SNTG1: variants seen among roughly 807,000 people sequenced by gnomAD.
SNTG1 encodes syntrophin gamma 1.
SNTG1 carries 39 observed loss-of-function variants against 74.7 expected under a neutral mutation model. The observed-to-expected ratio is 0.52, with a 90% CI of 0.40 to 0.68. The LOEUF (loss-of-function observed/expected upper bound fraction) is 0.68, where lower values mean the gene tolerates loss of function less well. SNTG1 is among the 30% of genes least tolerant of loss of function. The probability of loss-of-function intolerance (pLI) is 0.00; values close to 1 mark genes in which losing one functional copy is unlikely to be tolerated. For missense variants in SNTG1, 685 were observed against 609.5 expected (o/e 1.12, Z -1.30); for synonymous variants, 254 against 217.1 (o/e 1.17, Z -1.49).
chr8:49,916,768 T>A (rs1034020111), intron 1 of SNTG1, among the ~76,000 whole-genome samples: 2 of 151,728 alleles, frequency 1.3e-5, no homozygotes, highest in Admixed American at 1.3e-4. Flanking sequence ...CACTTTGGGA[T>A]ACCGAGGCAA....
intron 15 of SNTG1, among the ~76,000 whole-genome samples, chr8:50,668,644 TC>T (rs1046985273): frequency 1.2e-3 from 184 of 151,806 alleles, no homozygotes; most frequent in African/African-American, 4.1e-3. Context: ...CTAAGGTACC[TC>T]CCCTGACCCT....
intron 9 of SNTG1, among the ~76,000 whole-genome samples, chr8:50,513,508 C>G (rs758057706): frequency 9.9e-5 from 15 of 152,232 alleles, no homozygotes; most frequent in Non-Finnish European, 1.9e-4. Flanking sequence ...TGCCCTGCCC[C>G]CAGTGGCGGA....
intron 1 of SNTG1, among the ~76,000 whole-genome samples, chr8:50,049,135 G>A (rs577056961): frequency 1.3e-5 from 2 of 152,106 alleles, no homozygotes; most frequent in African/African-American, 4.8e-5. Context: ...GAATTGTAAA[G>A]ATTAGCAAAT....
chr8:50,660,344 GAA>G (rs761298023), intron 15 of SNTG1, among the ~76,000 whole-genome samples: 9 of 120,008 alleles, frequency 7.5e-5, no homozygotes, highest in African/African-American at 1.4e-4. Context: ...GAAAGAAAGA[GAA>G]AGAAAGAAAG....
At chr8:50,003,562 A>T (rs565819784) in intron 1 of SNTG1, among the ~76,000 whole-genome samples, 5 of 152,120 alleles carry the variant, frequency 3.3e-5, no homozygotes, top group Non-Finnish European at 7.4e-5. Context: ...GTAATTATGG[A>T]ATTTTTTGTC....
intron 12 of SNTG1, among the ~76,000 whole-genome samples, chr8:50,576,692 A>G (rs1471829548): frequency 2.0e-5 from 3 of 151,990 alleles, no homozygotes; most frequent in Non-Finnish European, 4.4e-5. Context: ...TTAATTCCTA[A>G]GTATTTTATT....
intron 1 of SNTG1, among the ~76,000 whole-genome samples, chr8:50,162,395 T>C (rs2082449208): frequency 6.6e-6 from 1 of 151,568 alleles, no homozygotes; most frequent in Non-Finnish European, 1.5e-5. Flanking sequence ...ACCCCGTCTC[T>C]ACTAAAAATA....
intron 1 of SNTG1, among the ~76,000 whole-genome samples, chr8:50,129,480 T>C (rs532362894): frequency 1.3e-4 from 20 of 152,234 alleles, no homozygotes; most frequent in Admixed American, 3.9e-4. Context: ...CTACAAAAGT[T>C]GAAAACTTGA....
chr8:50,010,953 G>T (rs1187650002), intron 1 of SNTG1, among the ~76,000 whole-genome samples: 1 of 151,936 alleles, frequency 6.6e-6, no homozygotes, highest in African/African-American at 2.4e-5. Flanking sequence ...TAATGGTAGT[G>T]AAATAATTTC....
chr8:50,430,853 T>C (rs559030718), intron 4 of SNTG1, among the ~76,000 whole-genome samples: 1 of 152,314 alleles, frequency 6.6e-6, no homozygotes, highest in East Asian at 1.9e-4. Context: ...AATACATTCA[T>C]GGGACTGGGA....
intron 1 of SNTG1, among the ~76,000 whole-genome samples, chr8:50,002,950 A>G (rs1814882751): frequency 6.6e-6 from 1 of 152,328 alleles, no homozygotes; most frequent in South Asian, 2.1e-4. Context: ...GCTACAACAT[A>G]GAAATGAACT....
At chr8:50,018,573 T>C (rs542377541) in intron 1 of SNTG1, among the ~76,000 whole-genome samples, 1 of 152,112 alleles carries the variant, frequency 6.6e-6, no homozygotes, top group African/African-American at 2.4e-5. Context: ...GACTATGTGT[T>C]AGGCAATGTT....
intron 1 of SNTG1, among the ~76,000 whole-genome samples, chr8:50,035,869 C>T (rs746198097): frequency 9.9e-5 from 15 of 152,104 alleles, no homozygotes; most frequent in African/African-American, 2.7e-4. Context: ...GTTAAGCTCT[C>T]GGACAGATGT....
rs550050705 is a variant in SNTG1 at position 50,120,636 on chromosome 8, G to C, written c.-102-51925G>C. Among the ~76,000 whole-genome samples the C allele has an allele frequency of 1.4e-5, 2 of 141,230 alleles. 1 individual carries two copies. The highest frequency in any genetic ancestry group is 5.1e-5 in the African/African-American group (2 of 39,102). 92.7% of individuals were successfully genotyped at this position (141,230 alleles called of 152,430 possible). The stretch of plus-strand genomic sequence containing the variant: ...CCATCTTTATACTACCATCACCTCT[G>C]TCACTACCAACCTCACCACCACTAT... On this transcript the variant is annotated intron_variant, in intron 1 of 18. Transcript: ENST00000642720.
At chr8:50,402,798 T>G (rs981903113) in intron 4 of SNTG1, among the ~76,000 whole-genome samples, 1 of 152,140 alleles carries the variant, frequency 6.6e-6, no homozygotes, top group African/African-American at 2.4e-5. Flanking sequence ...GGTGTTCCCC[T>G]AGGATAGTGT....
chr8:50,426,248 G>A (rs79518906), intron 4 of SNTG1, among the ~76,000 whole-genome samples: 9 of 152,180 alleles, frequency 5.9e-5, no homozygotes, highest in Non-Finnish European at 1.2e-4. Context: ...GGCACCTCTT[G>A]TCTGTGACAC....
At chr8:50,320,835 T>G (rs2090500926) in intron 2 of SNTG1, among the ~76,000 whole-genome samples, 1 of 152,128 alleles carries the variant, frequency 6.6e-6, no homozygotes, top group Non-Finnish European at 1.5e-5. Flanking sequence ...AAATTCTACT[T>G]GTTACTTATT....
rs557547158 is a variant in SNTG1 at position 50,361,715 on chromosome 8, C to G, written c.-27-32497C>G. On this transcript the variant is annotated intron_variant, in intron 2 of 18. Coordinates refer to ENST00000642720, the MANE Select transcript of SNTG1 (RefSeq NM_018967.5). ...AGAAATTTTTCAGTTCCTTTATAAT[C>G]TTACGGGACCACTTAACATGAACCT... Among the ~76,000 whole-genome samples the G allele has an allele frequency of 1.6e-3, 242 of 152,154 alleles. 1 individual carries two copies. The highest frequency in any genetic ancestry group is 5.6e-3 in the African/African-American group (233 of 41,522).
chr8:50,700,127 G>A (rs184978745), intron 15 of SNTG1, among the ~76,000 whole-genome samples: 8 of 152,220 alleles, frequency 5.3e-5, no homozygotes, highest in African/African-American at 1.9e-4. Flanking sequence ...GTGAGAAAGA[G>A]GAATATATAC....
Sources: allele counts gnomAD v4.1 joint callset (sites outside exome capture counted in the v4.1 genomes callset), GRCh38; gene constraint gnomAD v4.1.1; transcripts MANE v1.5; gene names NCBI Gene and HGNC (gene_info 2026-07-23, HGNC 2026-07-21).